Variants in CATSPERG observed in about 807,000 individuals in gnomAD.
The protein encoded by CATSPERG is cation channel sperm-associated auxiliary subunit gamma.
Under a neutral mutation model 145.0 loss-of-function variants are expected in CATSPERG, and 115 were observed. That is an observed-to-expected ratio of 0.79 (90% CI 0.68 to 0.93). The LOEUF is 0.93. Among genes scored for constraint, CATSPERG ranks in the 40% least tolerant of loss-of-function variants. The pLI is 0.00. For synonymous variants in CATSPERG, 588 were observed against 589.0 expected (o/e 1.00, Z 0.02); for missense variants, 1,296 against 1,490.1 (o/e 0.87, Z 2.14).
intron 15 of CATSPERG, 26 bp downstream of exon 15, chr19:38,360,673 A>T: frequency 1.2e-6 from 2 of 1,614,130 alleles, no homozygotes; most frequent in Non-Finnish European, 1.7e-6. Context: ...ATGCGGGGAC[A>T]TCGGGGCACC....
chr19:38,369,843 A>G (rs1970515412), intron 26 of CATSPERG, 129 bp from the exon 27 acceptor site: 1 of 818,404 alleles, frequency 1.2e-6, no homozygotes, highest in Admixed American at 1.8e-5. Flanking sequence ...GAATGAAGGA[A>G]TGAATGAGGG....
intron 7 of CATSPERG, among the ~76,000 whole-genome samples, chr19:38,347,992 C>T (rs1443855997): frequency 6.6e-6 from 1 of 151,778 alleles, no homozygotes; most frequent in Non-Finnish European, 1.5e-5. Context: ...AGGTCAAAAG[C>T]CCTACTCACA....
chr19:38,369,589 A>G (rs1305701037), intron 26 of CATSPERG: 1 of 303,082 alleles, frequency 3.3e-6, no homozygotes, highest in African/African-American at 2.2e-5. Context: ...TAATGAATAA[A>G]GAAGGGAATA....
In CATSPERG at chr19:38,362,640, G is replaced by A. The variant is rs951987444; in HGVS notation, c.2356+66G>A. On this transcript the variant is annotated intron_variant, in intron 19 of 28. Coordinates refer to ENST00000409235, the MANE Select transcript of CATSPERG (RefSeq NM_021185.5). Reference sequence around the variant, plus strand: ...GGGCTACCAGAATCTGGGAGCCTGGGGGGCGGGGACACCATCGGAGGGGCG... The same window carrying A: ...GGGCTACCAGAATCTGGGAGCCTGGAGGGCGGGGACACCATCGGAGGGGCG... The A allele has an allele frequency of 1.9e-5, 31 of 1,607,328 alleles. No individual in the cohort carries two copies. The African/African-American group carries it at 3.5e-4, about 18-fold the overall frequency.
In CATSPERG at chr19:38,362,413, C is replaced by T. The variant is rs759077102; in HGVS notation, c.2195C>T (p.Ala732Val). The T allele has an allele frequency of 6.2e-7, 1 of 1,614,156 alleles. No individual in the cohort carries two copies. The highest frequency in any genetic ancestry group is 1.1e-5 in the South Asian group (1 of 91,090). Reference sequence around the variant, plus strand: ...TTCTTGGCGAGCAATTGGCGAAGCGCGGGCGGCGTGTCCATAGAAATGGAC... The same window carrying T: ...TTCTTGGCGAGCAATTGGCGAAGCGTGGGCGGCGTGTCCATAGAAATGGAC... ...YFFLASNWRS[A>V]GGVSIEMDSY... Residue 732 changes from alanine to valine, a missense_variant, in exon 19 of 29, where the codon GCG becomes GTG. By Grantham distance (64) the Ala-to-Val change is moderately conservative. Transcript: ENST00000409235.
chr19:38,352,594 CCTTTTT>C, intron 8 of CATSPERG, 162 bp downstream of exon 8: 1 of 525,626 alleles, frequency 1.9e-6, no homozygotes, highest in South Asian at 2.1e-5. Flanking sequence ...CTTGCCTTGC[CCTTTTT>C]TTTTTTTTTT....
At chr19:38,363,432 G>A (rs1382881971) in intron 20 of CATSPERG, among the ~76,000 whole-genome samples, 1 of 151,412 alleles carries the variant, frequency 6.6e-6, no homozygotes, top group East Asian at 1.9e-4. Flanking sequence ...ATGCCTCGGC[G>A]TGAGGTGTGA....
At chr19:38,343,466 G>A in intron 3 of CATSPERG, 114 bp from the exon 4 acceptor site, 1 of 926,812 alleles carries the variant, frequency 1.1e-6, no homozygotes, top group South Asian at 1.7e-5. Context: ...TCACATGGTG[G>A]ACAGTGTGCT....
chr19:38,337,442 C>T lies in CATSPERG; in HGVS notation c.208C>T (p.Pro70Ser), dbSNP rs1210322117. 4 of 1,552,106 alleles carry T rather than the reference C, an allele frequency of 2.6e-6. No homozygotes were observed. Among genetic ancestry groups the T allele is most frequent in the East Asian group, 4.9e-5 (2 of 40,924 alleles). Reference sequence around the variant, plus strand: ...GAGCGACAGCTTCTTTGAGCAAGAGCCCGTGGACACAGTGAGCAGCTTGTT... The same window carrying T: ...GAGCGACAGCTTCTTTGAGCAAGAGTCCGTGGACACAGTGAGCAGCTTGTT... ...GVSDSFFEQE[P>S]VDTVSSLFHM... Residue 70 changes from proline (P) to serine (S), a missense_variant, in exon 2 of 29, where the codon CCC becomes TCC. Coordinates refer to ENST00000409235, the MANE Select transcript of CATSPERG (RefSeq NM_021185.5).
At chr19:38,358,768 G>A (rs1970292798) in intron 13 of CATSPERG, among the ~76,000 whole-genome samples, 1 of 152,156 alleles carries the variant, frequency 6.6e-6, no homozygotes, top group Admixed American at 6.5e-5. Context: ...TAAAGCTGTG[G>A]GAGCCCTTTT....
At chr19:38,343,926 T>C in intron 4 of CATSPERG, 67 bp from the exon 5 acceptor site, 1 of 1,527,434 alleles carries the variant, frequency 6.5e-7, no homozygotes, top group Non-Finnish European at 8.8e-7. Context: ...GATCCCAGGG[T>C]GGTCTGGGGC....
Position 38,344,281 on chromosome 19 carries a change from T to C in CATSPERG, c.597-15T>C. On this transcript the variant is annotated splice_polypyrimidine_tract_variant and intron_variant, in intron 5 of 28. Coordinates refer to ENST00000409235, the MANE Select transcript of CATSPERG (RefSeq NM_021185.5). Reference sequence around the variant, plus strand: ...ACTGGGACCTCACCTGCGCCTATTCTGCACCTGCTGCTAGGTTCCAGATGA... The same window carrying C: ...ACTGGGACCTCACCTGCGCCTATTCCGCACCTGCTGCTAGGTTCCAGATGA... 3 of 1,551,420 alleles carry C rather than the reference T, an allele frequency of 1.9e-6. No individual in the cohort carries two copies. The Middle Eastern group carries it at 5.1e-4, about 263-fold the overall frequency.
chr19:38,353,027 CAAAAAAAAAAAAA>C (rs61080753), intron 8 of CATSPERG, among the ~76,000 whole-genome samples: 1 of 61,568 alleles, frequency 1.6e-5, no homozygotes, highest in South Asian at 4.9e-4. Context: ...GACCCTGTTT[CAAAAAAAAAAAAA>C]AAAAAAAAAA....
intron 11 of CATSPERG, among the ~76,000 whole-genome samples, chr19:38,357,530 A>C (rs1970266376): frequency 6.6e-6 from 1 of 150,604 alleles, no homozygotes; most frequent in Admixed American, 6.7e-5. Flanking sequence ...AAAAAAAAAG[A>C]GCAGAGCCAG....
chr19:38,367,250 A>C lies in CATSPERG; in HGVS notation c.2708A>C (p.Asn903Thr). The part of the protein sequence containing the change: ...TYTLEYSRLK[N>T]KHYFDCVNVN... The stretch of plus-strand genomic sequence containing the variant: ...ACGCTGGAATACAGCCGCCTGAAGA[A>C]CAAACACTACTTTGACTGCGTTAAC... The change falls in exon 23 of 29, where the codon AAC becomes ACC. Residue 903 changes from asparagine to threonine, a missense_variant. By Grantham distance (65) the Asn-to-Thr change is moderately conservative. Coordinates refer to ENST00000409235, the MANE Select transcript of CATSPERG (RefSeq NM_021185.5). 2 of 1,613,958 alleles carry C rather than the reference A, an allele frequency of 1.2e-6. No individual in the cohort carries two copies. Among genetic ancestry groups the C allele is most frequent in the East Asian group, 2.2e-5 (1 of 44,872 alleles).
At chr19:38,368,660 C>G (rs1970496671) in intron 26 of CATSPERG, among the ~76,000 whole-genome samples, 1 of 152,234 alleles carries the variant, frequency 6.6e-6, no homozygotes, top group African/African-American at 2.4e-5. Flanking sequence ...TCTCCTGTCT[C>G]AGCCTCCTGT....
chr19:38,369,754 G>A, intron 26 of CATSPERG: 1 of 588,420 alleles, frequency 1.7e-6, no homozygotes, highest in Admixed American at 2.7e-5. Flanking sequence ...TTGACAGATG[G>A]AGGTGTGAAG....
chr19:38,337,561 T>C, intron 2 of CATSPERG, 32 bp from the exon 3 acceptor site: 1 of 1,551,826 alleles, frequency 6.4e-7, no homozygotes, highest in Non-Finnish European at 8.7e-7. Context: ...CTCCACTCAT[T>C]TCTGGACGTG....
In CATSPERG at chr19:38,360,578, A is replaced by G. The variant is rs368634718; in HGVS notation, c.1698A>G (p.Gln566=). ...WQVHISLKLM[Q]QSSLYASNET... ...TGCACATCAGCTTAAAGCTGATGCA[A>G]CAGTCCTCTCTCTACGCATCCAATG... Residue 566 remains glutamine, a synonymous_variant, in exon 15 of 29, where the codon CAA becomes CAG. Coordinates refer to ENST00000409235, the MANE Select transcript of CATSPERG (RefSeq NM_021185.5). 2.5e-6 allele frequency: 4 copies of G among 1,614,204 alleles called. No homozygotes were observed. The East Asian group carries it at 8.9e-5, about 36-fold the overall frequency.
Sources: allele counts gnomAD v4.1 joint callset (sites outside exome capture counted in the v4.1 genomes callset), GRCh38; gene constraint gnomAD v4.1.1; transcripts MANE v1.5; gene names NCBI Gene and HGNC (gene_info 2026-07-23, HGNC 2026-07-21).